ARID3B: variants seen among roughly 807,000 people sequenced by gnomAD.
The protein encoded by ARID3B is AT-rich interaction domain 3B, also known as AT-rich interactive domain-containing protein 3B.
A neutral mutation model predicts 51.9 loss-of-function variants in ARID3B; 10 were observed. That is an observed-to-expected ratio of 0.19 (90% CI 0.12 to 0.33). The LOEUF is 0.33. Ranked by LOEUF, ARID3B falls within the 10% of genes least tolerant of loss-of-function variation. The probability of loss-of-function intolerance (pLI) is 1.00; values close to 1 mark genes in which losing one functional copy is unlikely to be tolerated. For missense variants in ARID3B, 483 were observed against 716.3 expected (o/e 0.67, Z 3.72); for synonymous variants, 205 against 279.5 (o/e 0.73, Z 2.66).
intron 4 of ARID3B, among the ~76,000 whole-genome samples, chr15:74,582,257 G>A (rs1024788890): frequency 3.3e-5 from 5 of 150,768 alleles, no homozygotes; most frequent in Admixed American, 6.6e-5. Flanking sequence ...AACCTCCGCC[G>A]CCCGGGTTCA....
intron 2 of ARID3B, among the ~76,000 whole-genome samples, chr15:74,569,354 T>C (rs1295479439): frequency 6.6e-6 from 1 of 152,090 alleles, no homozygotes. Context: ...TTATTATTAT[T>C]ATTATTATTT....
intron 2 of ARID3B, among the ~76,000 whole-genome samples, chr15:74,561,020 A>G (rs961410573): frequency 2.0e-5 from 3 of 152,168 alleles, no homozygotes; most frequent in Non-Finnish European, 2.9e-5. Context: ...CCTGGGCTCA[A>G]GCAATCCTTG....
intron 2 of ARID3B, among the ~76,000 whole-genome samples, chr15:74,568,647 A>C (rs2061708023): frequency 6.6e-6 from 1 of 152,162 alleles, no homozygotes; most frequent in Admixed American, 6.5e-5. Flanking sequence ...GGGGAAAATT[A>C]GCTGAATGTA....
chr15:74,590,165 TA>T (rs2061798066), intron 5 of ARID3B, among the ~76,000 whole-genome samples, 162 bp downstream of exon 5: 1 of 152,210 alleles, frequency 6.6e-6, no homozygotes, highest in African/African-American at 2.4e-5. Flanking sequence ...CTAAACCAAG[TA>T]GTGATGAGAA....
At chr15:74,586,117 G>A (rs2061780797) in intron 4 of ARID3B, among the ~76,000 whole-genome samples, 2 of 152,232 alleles carry the variant, frequency 1.3e-5, no homozygotes, top group Non-Finnish European at 1.5e-5. Context: ...GTTCACTGTG[G>A]AGTGAGGAAA....
chr15:74,553,447 A>G (rs934386146), intron 2 of ARID3B, among the ~76,000 whole-genome samples: 10 of 152,222 alleles, frequency 6.6e-5, no homozygotes, highest in East Asian at 3.8e-4. Context: ...GCTGTACCCC[A>G]CAAGTTCTGA....
intron 2 of ARID3B, among the ~76,000 whole-genome samples, chr15:74,566,857 G>A (rs992199002): frequency 2.0e-5 from 3 of 152,122 alleles, no homozygotes; most frequent in Non-Finnish European, 4.4e-5. Context: ...GTGATCATCT[G>A]TCTTGTTCCT....
chr15:74,543,385 C>T (rs540902587), intron 1 of ARID3B, among the ~76,000 whole-genome samples: 4 of 152,318 alleles, frequency 2.6e-5, no homozygotes, highest in African/African-American at 7.2e-5. Flanking sequence ...TGATATCTTT[C>T]TCCTGTGGGC....
chr15:74,542,982 A>G (rs1001159690), intron 1 of ARID3B, among the ~76,000 whole-genome samples: 2 of 152,230 alleles, frequency 1.3e-5, no homozygotes, highest in African/African-American at 2.4e-5. Context: ...AGAGAATATC[A>G]TAATAGAAAT....
chr15:74,555,511 T>C (rs1287482763), intron 2 of ARID3B, among the ~76,000 whole-genome samples: 4 of 152,046 alleles, frequency 2.6e-5, no homozygotes, highest in Non-Finnish European at 4.4e-5. Flanking sequence ...TAAAAATCTT[T>C]TGTAGAAACA....
chr15:74,549,040 A>C (rs1335514829), intron 2 of ARID3B, among the ~76,000 whole-genome samples: 1 of 152,060 alleles, frequency 6.6e-6, no homozygotes, highest in Non-Finnish European at 1.5e-5. Flanking sequence ...CCTCTAATTA[A>C]GGTGTAGTCC....
intron 2 of ARID3B, among the ~76,000 whole-genome samples, chr15:74,567,577 C>G (rs976524968): frequency 5.9e-5 from 9 of 152,060 alleles, no homozygotes; most frequent in African/African-American, 2.2e-4. Context: ...ACCATCTCAT[C>G]CACCCTGTCT....
At chr15:74,586,686 TAGTG>T (rs1301648156) in intron 4 of ARID3B, among the ~76,000 whole-genome samples, 3 of 152,164 alleles carry the variant, frequency 2.0e-5, no homozygotes, top group Admixed American at 1.3e-4. Flanking sequence ...CTGGGCAACA[TAGTG>T]AGACCTCGAG....
chr15:74,592,790 A>T (rs1252622120), intron 7 of ARID3B, among the ~76,000 whole-genome samples: 1 of 151,328 alleles, frequency 6.6e-6, no homozygotes, highest in Non-Finnish European at 1.5e-5. Flanking sequence ...GGTCTCATTG[A>T]TCTCTGATTT....
At chr15:74,559,636 C>A (rs2061671720) in intron 2 of ARID3B, among the ~76,000 whole-genome samples, 1 of 152,122 alleles carries the variant, frequency 6.6e-6, no homozygotes, top group Non-Finnish European at 1.5e-5. Context: ...ACTTCTAGCT[C>A]CATATTCCCT....
At chr15:74,541,826 T>C (rs996115990) in intron 1 of ARID3B, among the ~76,000 whole-genome samples, 1 of 151,886 alleles carries the variant, frequency 6.6e-6, no homozygotes, top group African/African-American at 2.4e-5. Flanking sequence ...TGTACCCGGC[T>C]TGGTGGTCCG....
chr15:74,580,899 G>A (rs2061759772), intron 4 of ARID3B, among the ~76,000 whole-genome samples: 1 of 152,246 alleles, frequency 6.6e-6, no homozygotes, highest in South Asian at 2.1e-4. Flanking sequence ...ACACAGGGTA[G>A]AACCTGATGT....
At chr15:74,593,725 C>T (rs1048288830) in intron 8 of ARID3B, among the ~76,000 whole-genome samples, 3 of 152,134 alleles carry the variant, frequency 2.0e-5, no homozygotes, top group African/African-American at 7.2e-5. Context: ...CGCACCTTTA[C>T]AGAGTCTTTC....
At chr15:74,573,455 T>TACTGACTTCCAATAC (rs1180270169) in intron 4 of ARID3B, 6 of 538,076 alleles carry the variant, frequency 1.1e-5, no homozygotes, top group African/African-American at 1.9e-5. Context: ...CTTCTTCCAA[T>TACTGACTTCCAATAC]TGACTGGTCT....
Sources: allele counts gnomAD v4.1 joint callset (sites outside exome capture counted in the v4.1 genomes callset), GRCh38; gene constraint gnomAD v4.1.1; transcripts MANE v1.5; gene names NCBI Gene and HGNC (gene_info 2026-07-23, HGNC 2026-07-21).